The following SLCO1C1 variants were observed in gnomAD, a reference collection of about 807,000 sequenced individuals.
SLCO1C1 encodes the protein solute carrier organic anion transporter family member 1C1, also known as OAT-RP-5.
In SLCO1C1, 70 loss-of-function variants were observed where a neutral mutation model predicts 76.4. The observed-to-expected ratio is 0.92, with a 90% CI of 0.76 to 1.12. The LOEUF is 1.12. Among genes scored for constraint, SLCO1C1 ranks in the 50% most tolerant of loss-of-function variants. SLCO1C1 has a pLI of 0.00. For synonymous variants in SLCO1C1, 306 were observed against 286.1 expected (o/e 1.07, Z -0.70); for missense variants, 912 against 823.8 (o/e 1.11, Z -1.31).
intron 13 of SLCO1C1, among the ~76,000 whole-genome samples, chr12:20,748,215 C>T (rs6487137): frequency 0.46 from 69,489 of 151,538 alleles, 17,654 homozygotes; most frequent in South Asian, 0.63. Flanking sequence ...AATCCATAGG[C>T]TTTACTTCCC....
chr12:20,741,610 C>T (rs1773910867), intron 12 of SLCO1C1, among the ~76,000 whole-genome samples: 1 of 152,072 alleles, frequency 6.6e-6, no homozygotes, highest in Non-Finnish European at 1.5e-5. Flanking sequence ...TTCAACTTCC[C>T]TACAGGTTTT....
chr12:20,710,725 A>G (rs2120672719), intron 4 of SLCO1C1, among the ~76,000 whole-genome samples: 1 of 152,332 alleles, frequency 6.6e-6, no homozygotes, highest in African/African-American at 2.4e-5. Flanking sequence ...GTCATTTTCC[A>G]TTCTCCAGAA....
rs1949263620 is a variant in SLCO1C1 at position 20,750,759 on chromosome 12, G to C, written c.1883G>C (p.Gly628Ala). Reference sequence around the variant, plus strand: ...GGATTTAAAAGATGTGGAAGTAGAGGATCATGCAGATTATATGATTCAAAT... The same window carrying C: ...GGATTTAAAAGATGTGGAAGTAGAGCATCATGCAGATTATATGATTCAAAT... ...KWGFKRCGSR[G>A]SCRLYDSNVF... is the part of the protein sequence containing the mutation. Residue 628 changes from glycine (G) to alanine (A), a missense_variant, in exon 14 of 15, where the codon GGA (glycine) becomes GCA (alanine). Gly to Ala is a moderately conservative substitution (Grantham distance 60). Coordinates refer to ENST00000266509, the MANE Select transcript of SLCO1C1 (RefSeq NM_017435.5). 6.2e-7 allele frequency: 1 copy of C among 1,613,852 alleles called. No individual in the cohort carries two copies. The highest frequency in any genetic ancestry group is 1.3e-5 in the African/African-American group (1 of 74,898).
chr12:20,719,918 T>C (rs1376295839), intron 7 of SLCO1C1, among the ~76,000 whole-genome samples: 2 of 152,174 alleles, frequency 1.3e-5, no homozygotes, highest in Non-Finnish European at 2.9e-5. Flanking sequence ...TAGTCTTCTA[T>C]TGGAAGAAGA....
intron 2 of SLCO1C1, chr12:20,700,221 C>T (rs2120598350): frequency 6.6e-6 from 1 of 151,710 alleles, no homozygotes; most frequent in South Asian, 2.1e-4. Flanking sequence ...ATTCCCTTTT[C>T]TTTACATTCT....
At chr12:20,717,030 G>A (rs1947392408) in intron 6 of SLCO1C1, 102 bp from the exon 7 acceptor site, 1 of 984,644 alleles carries the variant, frequency 1.0e-6, no homozygotes, top group Non-Finnish European at 1.5e-6. Flanking sequence ...AAAACATTTT[G>A]AGCTACTGAC....
intron 1 of SLCO1C1, chr12:20,697,211 T>C (rs1448277699): frequency 1.3e-5 from 2 of 152,052 alleles, no homozygotes; most frequent in Non-Finnish European, 2.9e-5. Flanking sequence ...ATTTGTATTT[T>C]CTGGTCACTG....
chr12:20,740,646 T>G (rs529957810), intron 12 of SLCO1C1, among the ~76,000 whole-genome samples: 259 of 151,550 alleles, frequency 1.7e-3, no homozygotes, highest in African/African-American at 5.9e-3. Context: ...TACAGTATCC[T>G]ACTTCTAACG....
In SLCO1C1 at chr12:20,701,417, C is replaced by G. The variant is rs747110563; in HGVS notation, c.229C>G (p.Pro77Ala). The stretch of plus-strand genomic sequence containing the variant: ...TCAGATAGAGAGAAGGTTTGATATC[C>G]CTTCTTCACTGGTGGGAGTTATTGA... The part of the protein sequence containing the change: ...ITQIERRFDI[P>A]SSLVGVIDGS... The change falls in exon 3 of 15, where the codon CCT (proline) becomes GCT (alanine). Residue 77 changes from proline (P) to alanine (A), a missense_variant. By Grantham distance (27) the Pro-to-Ala change is conservative. Coordinates refer to ENST00000266509, the MANE Select transcript of SLCO1C1 (RefSeq NM_017435.5). 4 of 1,549,738 alleles carry G rather than the reference C, an allele frequency of 2.6e-6. No individual in the cohort carries two copies. The African/African-American group carries it at 5.4e-5, about 21-fold the overall frequency.
chr12:20,736,415 C>A (rs1477754415), intron 10 of SLCO1C1, among the ~76,000 whole-genome samples: 1 of 151,798 alleles, frequency 6.6e-6, no homozygotes, highest in Non-Finnish European at 1.5e-5. Context: ...AGTAGGCTTC[C>A]AGTAAAATTT....
intron 13 of SLCO1C1, among the ~76,000 whole-genome samples, chr12:20,745,858 A>C (rs991045937): frequency 1.3e-5 from 2 of 152,052 alleles, no homozygotes; most frequent in African/African-American, 4.8e-5. Context: ...AATAAAGCTC[A>C]TTCTTAAATT....
chr12:20,712,850 C>T (rs1016505549), intron 5 of SLCO1C1, among the ~76,000 whole-genome samples: 3 of 152,134 alleles, frequency 2.0e-5, no homozygotes, highest in Non-Finnish European at 4.4e-5. Context: ...AGTTTACCCT[C>T]TCCTGCTGTA....
At chr12:20,698,235 TTTGC>T (rs1379862523) in intron 1 of SLCO1C1, among the ~76,000 whole-genome samples, 3 of 151,984 alleles carry the variant, frequency 2.0e-5, no homozygotes, top group Non-Finnish European at 4.4e-5. Flanking sequence ...AGCTCTTTGT[TTTGC>T]TTATTTTTTG....
chr12:20,743,204 T>C, intron 12 of SLCO1C1, 101 bp from the exon 13 acceptor site: 1 of 1,142,374 alleles, frequency 8.8e-7, no homozygotes, highest in South Asian at 1.4e-5. Flanking sequence ...GGCACTTGAA[T>C]TCTAACATGA....
chr12:20,710,223 T>TTTTTTTTTTC lies in SLCO1C1; in HGVS notation c.405-1161_405-1160insTTTTTTTCTT, dbSNP rs1555122286. ...TTCTTTTTTTTTTTTTTTTTTTTTT[T>TTTTTTTTTTC]TTGAGATGGAGTCTCGCTCTGTCGC... On this transcript the variant is annotated intron_variant, in intron 4 of 14. Transcript: ENST00000266509. Among the ~76,000 whole-genome samples, 10 of 133,774 alleles carry TTTTTTTTTTC rather than the reference T, an allele frequency of 7.5e-5. 3 individuals are homozygous for TTTTTTTTTTC. Among genetic ancestry groups the TTTTTTTTTTC allele is most frequent in the Admixed American group, 1.6e-4 (2 of 12,506 alleles). The allele number at this position is 133,774 out of a possible 152,430, so 87.8% of individuals were successfully genotyped here. A position where few individuals can be genotyped will look rare whatever the true frequency, so the allele number is the denominator to read the frequency against.
At position 20,737,284 on chromosome 12, in the gene SLCO1C1, C is replaced by A. The variant is rs775920675; in HGVS notation, c.1548+12C>A. The stretch of plus-strand genomic sequence containing the variant: ...GTGGAAAAAATATTGTAAGAAATCA[C>A]CTCTCAAGTATATGGCGATGGTCCT... On this transcript the variant is annotated intron_variant, in intron 11 of 14. Transcript: ENST00000266509. 1.3e-6 allele frequency: 2 copies of A among 1,552,954 alleles called. No homozygotes were observed. Among genetic ancestry groups the A allele is most frequent in the Middle Eastern group, 3.4e-4 (2 of 5,904 alleles).
intron 3 of SLCO1C1, among the ~76,000 whole-genome samples, chr12:20,705,339 A>G (rs1294386405): frequency 3.3e-5 from 5 of 151,990 alleles, no homozygotes; most frequent in Admixed American, 3.3e-4. Context: ...TTGAGGTTAT[A>G]TAATTGATGT....
chr12:20,714,579 T>G (rs1947276775), intron 5 of SLCO1C1, among the ~76,000 whole-genome samples: 1 of 152,066 alleles, frequency 6.6e-6, no homozygotes, highest in Non-Finnish European at 1.5e-5. Context: ...GTTTCCAGAG[T>G]CCTAAAAATG....
intron 5 of SLCO1C1, among the ~76,000 whole-genome samples, chr12:20,711,904 C>T (rs1046660558): frequency 9.2e-5 from 14 of 152,136 alleles, no homozygotes; most frequent in African/African-American, 2.9e-4. Flanking sequence ...GTCAGAATGG[C>T]AAAAATGTAA....
Sources: allele counts gnomAD v4.1 joint callset (sites outside exome capture counted in the v4.1 genomes callset), GRCh38; gene constraint gnomAD v4.1.1; transcripts MANE v1.5; gene names NCBI Gene and HGNC (gene_info 2026-07-23, HGNC 2026-07-21).